The following PHPT1 variants were observed in gnomAD, a reference collection of about 807,000 sequenced individuals.
PHPT1 encodes 14 kDa phosphohistidine phosphatase.
PHPT1 carries 16 observed loss-of-function variants against 15.6 expected under a neutral mutation model. The ratio of observed to expected loss-of-function variants is 1.03; its 90% CI spans 0.70 to 1.56. The LOEUF is 1.56. PHPT1 is among the 40% of genes most tolerant of loss of function. The pLI is 0.00. For synonymous variants in PHPT1, 102 were observed against 68.1 expected (o/e 1.50, Z -2.45); for missense variants, 228 against 171.0 (o/e 1.33, Z -1.86).
In PHPT1 at chr9:136,850,926, T is replaced by A; in HGVS notation, c.*79T>A. ...TTTGCCTGCACTCCTCTTGCAGGGCTGGCCCTGCCTGCTCCTGCGGCAGCC... is the reference window on the plus strand; with the variant it reads ...TTTGCCTGCACTCCTCTTGCAGGGCAGGCCCTGCCTGCTCCTGCGGCAGCC... On this transcript the variant is annotated 3_prime_UTR_variant, in exon 3 of 3. Coordinates refer to ENST00000247665, the MANE Select transcript of PHPT1 (RefSeq NM_014172.6). 2 of 1,051,414 alleles carry A rather than the reference T, an allele frequency of 1.9e-6. No individual in the cohort carries two copies. The highest frequency in any genetic ancestry group is 3.0e-6 in the Non-Finnish European group (2 of 669,314). The allele number at this position is 1,051,414 out of a possible 1,614,324, so 65.1% of individuals were successfully genotyped here.
chr9:136,849,704 G>GGGCTGCGGGCCGT (rs1848856482), intron 1 of PHPT1, 114 bp downstream of exon 1: 1 of 754,582 alleles, frequency 1.3e-6, no homozygotes, highest in African/African-American at 1.9e-5. Flanking sequence ...GGCGGGGGCG[G>GGGCTGCGGGCCGT]GGCTGCGGGC....
At position 136,849,450 on chromosome 9, in the gene PHPT1, C is replaced by A; in HGVS notation, c.20C>A (p.Ala7Asp). 2 of 1,607,154 alleles carry A rather than the reference C, an allele frequency of 1.2e-6. No homozygotes were observed. Among genetic ancestry groups the A allele is most frequent in the Non-Finnish European group, 8.5e-7 (1 of 1,176,866 alleles). Reference sequence around the variant, plus strand: ...AGGAACATGGCGGTGGCGGACCTCGCTCTCATTCCTGATGTGGACATCGAC... The same window carrying A: ...AGGAACATGGCGGTGGCGGACCTCGATCTCATTCCTGATGTGGACATCGAC... MAVADL[A>D]LIPDVDIDSD... The change falls in exon 1 of 3, where the codon GCT becomes GAT. Residue 7 changes from alanine to aspartate, a missense_variant. Physicochemically the swap from Ala to Asp is moderately radical, Grantham distance 126. Transcript: ENST00000247665.
At chr9:136,849,633 A>C in intron 1 of PHPT1, 43 bp downstream of exon 1, 3 of 456,258 alleles carry the variant, frequency 6.6e-6, no homozygotes, top group Non-Finnish European at 9.3e-6. Context: ...ACGCCTGGCG[A>C]GGCGGGGGCG....
At position 136,851,009 on chromosome 9, in the gene PHPT1, A is replaced by G; in HGVS notation, c.*162A>G. On this transcript the variant is annotated 3_prime_UTR_variant, in exon 3 of 3. Coordinates refer to ENST00000247665, the MANE Select transcript of PHPT1 (RefSeq NM_014172.6). ...ACAGGCTAGCCTGGCCACAGAATTA[A>G]ACGTGTTGCCACACCTGCCGGCTTC... The G allele has an allele frequency of 2.6e-6, 2 of 758,740 alleles. No individual in the cohort carries two copies. Among genetic ancestry groups the G allele is most frequent in the Non-Finnish European group, 4.8e-6 (2 of 414,244 alleles). The allele number at this position is 758,740 out of a possible 1,614,324, so 47.0% of individuals were successfully genotyped here.
In PHPT1 at chr9:136,850,108, A is replaced by G. The variant is rs1419982185; in HGVS notation, c.256A>G (p.Lys86Glu). ...GGRISHQSQD[K>E]KIHVYGYSMA... ...GCGCATCTCCCACCAGAGTCAGGACAAGAAGATTCACGTGTACGGCTATTC... is the reference window on the plus strand; with the variant it reads ...GCGCATCTCCCACCAGAGTCAGGACGAGAAGATTCACGTGTACGGCTATTC... The change falls in exon 2 of 3, where the codon AAG becomes GAG. Residue 86 changes from lysine (K) to glutamate (E), a missense_variant. Transcript: ENST00000247665. 4 of 1,613,050 alleles carry G rather than the reference A, an allele frequency of 2.5e-6. No individual in the cohort carries two copies. The African/African-American group carries it at 5.3e-5, about 22-fold the overall frequency.
intron 2 of PHPT1, 141 bp downstream of exon 2, chr9:136,850,278 C>A: frequency 9.3e-7 from 1 of 1,073,948 alleles, no homozygotes; most frequent in Non-Finnish European, 1.4e-6. Flanking sequence ...CAGAGCCCTC[C>A]CTCCAGGGCC....
At position 136,850,032 on chromosome 9, in the gene PHPT1, G is replaced by T; in HGVS notation, c.180G>T (p.Val60=). Reference sequence around the variant, plus strand: ...TCCCAGCGGACATCTACGACAAAGTGTCGGGCGACATGCAGAAGCAAGGCT... The same window carrying T: ...TCCCAGCGGACATCTACGACAAAGTTTCGGGCGACATGCAGAAGCAAGGCT... ...AEYHADIYDK[V]SGDMQKQGCD... The change falls in exon 2 of 3, where the codon GTG becomes GTT. Residue 60 remains valine (V), a synonymous_variant. Transcript: ENST00000247665. 6.2e-7 allele frequency: 1 copy of T among 1,612,832 alleles called. No individual in the cohort carries two copies. Among genetic ancestry groups the T allele is most frequent in the Non-Finnish European group, 8.5e-7 (1 of 1,179,778 alleles).
chr9:136,849,674 G>A, intron 1 of PHPT1, 84 bp downstream of exon 1: 1 of 954,876 alleles, frequency 1.0e-6, no homozygotes, highest in Non-Finnish European at 1.4e-6. Context: ...GGGCTGACGA[G>A]GCAGGGGCGG....
chr9:136,850,642 C>T, intron 2 of PHPT1, 113 bp from the exon 3 acceptor site: 2 of 1,500,066 alleles, frequency 1.3e-6, no homozygotes, highest in African/African-American at 1.4e-5. Context: ...TCCCCAGGCA[C>T]TGCCTATCCC....
rs758268239 is a variant in PHPT1 at position 136,850,135 on chromosome 9, A to G, written c.283A>G (p.Met95Val). ...DKKIHVYGYS[M>V]AYGPAQHAIS... Reference sequence around the variant, plus strand: ...GAAGATTCACGTGTACGGCTATTCCATGGTGAGCCGCAGCCCCGTCCCGCC... The same window carrying G: ...GAAGATTCACGTGTACGGCTATTCCGTGGTGAGCCGCAGCCCCGTCCCGCC... Residue 95 changes from methionine to valine, a missense_variant and splice_region_variant, in exon 2 of 3, where the codon ATG (methionine) becomes GTG (valine). Coordinates refer to ENST00000247665, the MANE Select transcript of PHPT1 (RefSeq NM_014172.6). 8 of 1,612,986 alleles carry G rather than the reference A, an allele frequency of 5.0e-6. No homozygotes were observed. The highest frequency in any genetic ancestry group is 6.8e-6 in the Non-Finnish European group (8 of 1,179,868).
At chr9:136,849,881 C>T (rs1848862341) in intron 1 of PHPT1, 132 bp from the exon 2 acceptor site, 3 of 986,884 alleles carry the variant, frequency 3.0e-6, no homozygotes, top group East Asian at 2.4e-5. Context: ...CCTGTCCCAG[C>T]CTCAAGGGGC....
intron 1 of PHPT1, 87 bp downstream of exon 1, chr9:136,849,677 AG>A: frequency 3.5e-5 from 1 of 28,438 alleles, no homozygotes; most frequent in Non-Finnish European, 5.4e-5. Context: ...CTGACGAGGC[AG>A]GGGCGGGGCT....
chr9:136,850,194 A>G (rs1224723742), intron 2 of PHPT1, 57 bp downstream of exon 2: 4 of 1,608,714 alleles, frequency 2.5e-6, no homozygotes, highest in Non-Finnish European at 3.4e-6. Context: ...TTCGAGGCCC[A>G]CCTGAGCCTG....
chr9:136,850,158 G>A lies in PHPT1; in HGVS notation c.285+21G>A, dbSNP rs372004288. On this transcript the variant is annotated intron_variant, in intron 2 of 2. Transcript: ENST00000247665. Reference sequence around the variant, plus strand: ...CCATGGTGAGCCGCAGCCCCGTCCCGCCCTGCCGGAGGCCCCAGTACCAGC... The same window carrying A: ...CCATGGTGAGCCGCAGCCCCGTCCCACCCTGCCGGAGGCCCCAGTACCAGC... 2.0e-5 allele frequency: 32 copies of A among 1,612,638 alleles called. No homozygotes were observed. In the African/African-American group the frequency reaches 3.9e-4, roughly 20 times the overall value.
Position 136,849,411 on chromosome 9 carries a change from G to T in PHPT1, c.-20G>T. 6.3e-7 allele frequency: 1 copy of T among 1,584,876 alleles called. No homozygotes were observed. Among genetic ancestry groups the T allele is most frequent in the South Asian group, 1.1e-5 (1 of 88,006 alleles). Reference sequence around the variant, plus strand: ...CGGCCCCCGGGTCGGGTGGGAGGAGGGGACTCCGGGAGGAGGAACATGGCG... The same window carrying T: ...CGGCCCCCGGGTCGGGTGGGAGGAGTGGACTCCGGGAGGAGGAACATGGCG... On this transcript the variant is annotated 5_prime_UTR_variant, in exon 1 of 3. Coordinates refer to ENST00000247665, the MANE Select transcript of PHPT1 (RefSeq NM_014172.6).
chr9:136,850,319 C>A, intron 2 of PHPT1, 182 bp downstream of exon 2: 1 of 858,736 alleles, frequency 1.2e-6, no homozygotes. Context: ...CCATGGAGCA[C>A]ACGCCAGACC....
At chr9:136,849,738 G>A in intron 1 of PHPT1, 148 bp downstream of exon 1, 2 of 823,236 alleles carry the variant, frequency 2.4e-6, no homozygotes, top group Non-Finnish European at 3.6e-6. Context: ...GCTCTGCTCC[G>A]AGTCCTGCCC....
At chr9:136,850,369 C>T (rs1848880801) in intron 2 of PHPT1, 3 of 887,718 alleles carry the variant, frequency 3.4e-6, no homozygotes, top group Non-Finnish European at 3.5e-6. Flanking sequence ...GGCCGGCTGT[C>T]TCCTCTCCCT....
chr9:136,849,954 TCCTCCCGCGG>T lies in PHPT1; in HGVS notation c.161-53_161-44del, dbSNP rs1466933853. The T allele has an allele frequency of 4.5e-5, 70 of 1,557,546 alleles. No homozygotes were observed. In the African/African-American group the frequency reaches 8.8e-4, roughly 20 times the overall value. On this transcript the variant is annotated intron_variant, in intron 1 of 2. Coordinates refer to ENST00000247665, the MANE Select transcript of PHPT1 (RefSeq NM_014172.6). ...ATTTCAGACCCCTTCGGCTGGGAGT[TCCTCCCGCGG>T]CCTCCAAGGGCGGCCAGGGCACGTC...
Sources: allele counts gnomAD v4.1 joint callset, GRCh38; gene constraint gnomAD v4.1.1; transcripts MANE v1.5; gene names NCBI Gene and HGNC (gene_info 2026-07-23, HGNC 2026-07-21).